The following BRD9 variants were observed in gnomAD, a reference collection of about 807,000 sequenced individuals.
The protein encoded by BRD9 is bromodomain-containing protein 9.
Under a neutral mutation model 68.7 loss-of-function variants are expected in BRD9, and 47 were observed. The ratio of observed to expected loss-of-function variants is 0.68; its 90% CI spans 0.54 to 0.87. The LOEUF is 0.87. BRD9 is among the 40% of genes least tolerant of loss of function. The pLI is 0.00. For synonymous variants in BRD9, 313 were observed against 293.9 expected, an observed-to-expected ratio of 1.06 and a Z score of -0.67; for missense variants, 670 against 748.4, an observed-to-expected ratio of 0.90 and a Z score of 1.22.
intron 14 of BRD9, chr5:869,377 C>T (rs1327026586): frequency 1.1e-5 from 5 of 455,780 alleles, no homozygotes; most frequent in South Asian, 4.7e-5. Flanking sequence ...TACAGCATCA[C>T]GTGATAGATG....
intron 14 of BRD9, among the ~76,000 whole-genome samples, chr5:866,760 C>T (rs1450701012): frequency 1.3e-5 from 2 of 152,178 alleles, no homozygotes; most frequent in African/African-American, 4.8e-5. Context: ...CTAAAGCATT[C>T]AAGAGGTGAC....
chr5:872,742 G>T (rs566709498), intron 12 of BRD9, among the ~76,000 whole-genome samples: 1 of 152,288 alleles, frequency 6.6e-6, no homozygotes, highest in South Asian at 2.1e-4. Flanking sequence ...TCCTTCAAGG[G>T]AAATTCCAGT....
Position 892,376 on chromosome 5 carries a change from G to C in BRD9, c.52+230C>G, listed in dbSNP as rs1312681288. The C allele has an allele frequency of 1.1e-5, 11 of 1,014,770 alleles. No individual in the cohort carries two copies. In the East Asian group the frequency reaches 2.5e-4, roughly 23 times the overall value. The allele number at this position is 1,014,770 out of a possible 1,614,324, so 62.9% of individuals were successfully genotyped here. A position where few individuals can be genotyped will look rare whatever the true frequency, so the allele number is the denominator to read the frequency against. Reference sequence around the variant, plus strand: ...CTCCAGGACCGGGGTGAGTGGGCTTGCAGCCTCGAACCCAGAACCCTCTAC... The same window carrying C: ...CTCCAGGACCGGGGTGAGTGGGCTTCCAGCCTCGAACCCAGAACCCTCTAC... On this transcript the variant is annotated intron_variant, in intron 1 of 15. Transcript: ENST00000467963.
At chr5:871,104 C>A (rs550907920) in intron 13 of BRD9, among the ~76,000 whole-genome samples, 1 of 152,208 alleles carries the variant, frequency 6.6e-6, no homozygotes, top group Admixed American at 6.5e-5. Context: ...CCCATGCCTG[C>A]TGACTGTCAG....
Position 892,698 on chromosome 5 carries a change from G to T in BRD9, c.-41C>A, listed in dbSNP as rs1191239621. The T allele has an allele frequency of 3.0e-6, 4 of 1,354,010 alleles. No homozygotes were observed. In the South Asian group the frequency reaches 7.4e-5, roughly 25 times the overall value. The allele number at this position is 1,354,010 out of a possible 1,614,324, so 83.9% of individuals were successfully genotyped here. On this transcript the variant is annotated 5_prime_UTR_variant, in exon 1 of 16. The change creates a new upstream start codon in the 5' untranslated region. Coordinates refer to ENST00000467963, the MANE Select transcript of BRD9 (RefSeq NM_023924.5). ...GGGCCCGAGGCGGGGGCTGGGAACAGCTGGCACCCGGTCGGACCTTGGCCG... is the reference window on the plus strand; with the variant it reads ...GGGCCCGAGGCGGGGGCTGGGAACATCTGGCACCCGGTCGGACCTTGGCCG...
chr5:881,492 C>G (rs1751755175), intron 8 of BRD9: 1 of 441,370 alleles, frequency 2.3e-6, no homozygotes, highest in Non-Finnish European at 4.2e-6. Context: ...GAACGGTCAG[C>G]AGGTCAGCAT....
intron 3 of BRD9, chr5:890,029 T>C: frequency 2.9e-6 from 1 of 341,626 alleles, no homozygotes; most frequent in East Asian, 7.6e-5. Flanking sequence ...TCCCTTAAAA[T>C]TCAACAAAAA....
intron 8 of BRD9, chr5:883,491 C>G: frequency 2.2e-6 from 1 of 454,094 alleles, no homozygotes; most frequent in South Asian, 1.6e-5. Context: ...TGGGCCCCAC[C>G]ACCACAAAGA....
Position 864,290 on chromosome 5 carries a change from G to A in BRD9, c.*178C>T. 3 of 515,890 alleles carry A rather than the reference G, an allele frequency of 5.8e-6. No homozygotes were observed. The highest frequency in any genetic ancestry group is 2.2e-5 in the South Asian group (1 of 44,738). 32.0% of individuals were successfully genotyped at this position (515,890 alleles called of 1,614,324 possible). A position where few individuals can be genotyped will look rare whatever the true frequency, so the allele number is the denominator to read the frequency against. On this transcript the variant is annotated 3_prime_UTR_variant, in exon 16 of 16. Transcript: ENST00000467963. ...CTTCGCGTATGACTCCACTCCTCAGGGTTCGTGGGGCTTGGAGACTCTGCT... is the reference window on the plus strand; with the variant it reads ...CTTCGCGTATGACTCCACTCCTCAGAGTTCGTGGGGCTTGGAGACTCTGCT...
chr5:891,765 C>A lies in BRD9; in HGVS notation c.142G>T (p.Asp48Tyr), dbSNP rs1580027632. 6.4e-7 allele frequency: 1 copy of A among 1,551,620 alleles called. No individual in the cohort carries two copies. The change falls in exon 2 of 16, where the codon GAC (aspartate) becomes TAC (tyrosine). Residue 48 changes from aspartate to tyrosine, a missense_variant. Transcript: ENST00000467963. ...EVTELSGSGH[D>Y]SSYYDDRSDH... The stretch of plus-strand genomic sequence containing the variant: ...GACCTGTCATCATAGTAACTGGAGT[C>A]GTGGCCGGATCCTGAGAGTTCAGTC...
chr5:869,210 G>A (rs1333149630), intron 14 of BRD9: 1 of 412,432 alleles, frequency 2.4e-6, no homozygotes, highest in Non-Finnish European at 4.9e-6. Context: ...TGGAAAATGA[G>A]GTCAGGCCAT....
At position 865,562 on chromosome 5, in the gene BRD9, C is replaced by T. The variant is rs370277280; in HGVS notation, c.1545G>A (p.Leu515=). ...LSSLGKVKKE[L]DPDDSHLNLD... ...AGTTCAAATGGCTGTCGTCAGGGTC[C>T]AGCTCCTTCTTCACCTTCCCTGTGT... The change falls in exon 15 of 16, where the codon CTG becomes CTA. Residue 515 remains leucine, a synonymous_variant. Transcript: ENST00000467963. 3.0e-5 allele frequency: 48 copies of T among 1,602,030 alleles called. No homozygotes were observed. The African/African-American group carries it at 5.2e-4, about 17-fold the overall frequency.
At chr5:888,458 C>T (rs529848019) in intron 5 of BRD9, 1 of 152,394 alleles carries the variant, frequency 6.6e-6, no homozygotes, top group Admixed American at 6.5e-5. Context: ...GGGAATGGAA[C>T]CTAAGAGAGA....
rs1039247800 is a variant in BRD9, at chr5:864,342, C to T, written c.*126G>A. 1.4e-6 allele frequency: 1 copy of T among 706,392 alleles called. No homozygotes were observed. The highest frequency in any genetic ancestry group is 1.8e-5 in the African/African-American group (1 of 55,296). The allele number at this position is 706,392 out of a possible 1,614,324, so 43.8% of individuals were successfully genotyped here. A position where few individuals can be genotyped will look rare whatever the true frequency, so the allele number is the denominator to read the frequency against. ...ACATGATACCACAGACAATTCATTACCTCCCCGCGGCTGCTTCCCGCATGC... is the reference window on the plus strand; with the variant it reads ...ACATGATACCACAGACAATTCATTATCTCCCCGCGGCTGCTTCCCGCATGC... On this transcript the variant is annotated 3_prime_UTR_variant, in exon 16 of 16. Coordinates refer to ENST00000467963, the MANE Select transcript of BRD9 (RefSeq NM_023924.5).
In BRD9 at chr5:891,862, G is replaced by A. The variant is rs1007837769; in HGVS notation, c.53-8C>T. The A allele has an allele frequency of 4.5e-6, 7 of 1,550,684 alleles. No homozygotes were observed. Among genetic ancestry groups the A allele is most frequent in the African/African-American group, 1.4e-5 (1 of 73,006 alleles). On this transcript the variant is annotated splice_region_variant and splice_polypyrimidine_tract_variant and intron_variant, in intron 1 of 15. Transcript: ENST00000467963. ...GGGGCTTGTCGGCATAATCTGCACA[G>A]ACACAGACCGAGTTCTACCCGCGTG...
At chr5:870,350 G>GT (rs1749959881) in intron 14 of BRD9, 123 bp downstream of exon 14, 2 of 742,124 alleles carry the variant, frequency 2.7e-6, no homozygotes, top group Admixed American at 2.3e-5. Context: ...ACCAAATACC[G>GT]TAACAAAAGA....
intron 4 of BRD9, 86 bp downstream of exon 4, chr5:889,501 A>G: frequency 6.9e-7 from 1 of 1,440,648 alleles, no homozygotes; most frequent in South Asian, 1.2e-5. Context: ...TTCACAGCTG[A>G]CGAGGCTGGC....
At chr5:880,884 A>G (rs933114828) in intron 9 of BRD9, among the ~76,000 whole-genome samples, 3 of 152,186 alleles carry the variant, frequency 2.0e-5, no homozygotes, top group African/African-American at 7.2e-5. Context: ...GCTGCTCCCA[A>G]GGAGCCCTGA....
intron 5 of BRD9, 101 bp from the exon 6 acceptor site, chr5:887,572 G>T (rs183710737): frequency 3.3e-6 from 3 of 901,322 alleles, no homozygotes; most frequent in Admixed American, 2.1e-5. Context: ...AGCTACAATC[G>T]AGTAGAAAAC....
Sources: allele counts gnomAD v4.1 joint callset (sites outside exome capture counted in the v4.1 genomes callset), GRCh38; gene constraint gnomAD v4.1.1; transcripts MANE v1.5; gene names NCBI Gene and HGNC (gene_info 2026-07-23, HGNC 2026-07-21).